The following FHL5 variants were observed in gnomAD, a reference collection of about 807,000 sequenced individuals.
FHL5 encodes four and a half LIM domains 5.
Under a neutral mutation model 32.0 loss-of-function variants are expected in FHL5, and 33 were observed. The ratio of observed to expected loss-of-function variants is 1.03; its 90% CI spans 0.78 to 1.38. FHL5 has a LOEUF of 1.38. Ranked by LOEUF, FHL5 falls within the 40% of genes most tolerant of loss-of-function variation. The pLI is 0.00. For synonymous variants in FHL5, 114 were observed against 113.6 expected, an observed-to-expected ratio of 1.00 and a Z score of -0.02; for missense variants, 336 against 343.9, an observed-to-expected ratio of 0.98 and a Z score of 0.18.
chr6:96,574,634 C>T (rs1272011775), intron 1 of FHL5, among the ~76,000 whole-genome samples: 1 of 152,132 alleles, frequency 6.6e-6, no homozygotes, highest in Non-Finnish European at 1.5e-5. Flanking sequence ...ATTCCAAGAA[C>T]CCTGCCTTCC....
chr6:96,573,392 A>G (rs1231961352), intron 1 of FHL5, among the ~76,000 whole-genome samples: 1 of 152,170 alleles, frequency 6.6e-6, no homozygotes, highest in Non-Finnish European at 1.5e-5. Context: ...TTTGAAAAAA[A>G]TCCGACACCA....
intron 1 of FHL5, among the ~76,000 whole-genome samples, chr6:96,586,153 C>G (rs947665661): frequency 3.3e-5 from 5 of 152,210 alleles, no homozygotes; most frequent in African/African-American, 1.2e-4. Flanking sequence ...AGCACAACTT[C>G]CATGACCACT....
chr6:96,587,066 AG>A (rs1290787617), intron 1 of FHL5, among the ~76,000 whole-genome samples: 1 of 152,234 alleles, frequency 6.6e-6, no homozygotes, highest in Non-Finnish European at 1.5e-5. Context: ...TCATGGCAAC[AG>A]CTTTTTGGGA....
intron 1 of FHL5, among the ~76,000 whole-genome samples, chr6:96,601,110 C>T (rs1582475067): frequency 6.6e-6 from 1 of 151,936 alleles, no homozygotes; most frequent in Non-Finnish European, 1.5e-5. Flanking sequence ...CCGAGGTGAG[C>T]GGATCTTGAG....
chr6:96,615,434 C>A (rs1443546926), intron 5 of FHL5, among the ~76,000 whole-genome samples, 175 bp from the exon 6 acceptor site: 1 of 152,168 alleles, frequency 6.6e-6, no homozygotes. Flanking sequence ...AACTTTCCTA[C>A]AGTGGATAGT....
intron 1 of FHL5, among the ~76,000 whole-genome samples, chr6:96,575,083 A>G (rs1396074915): frequency 6.6e-6 from 1 of 152,218 alleles, no homozygotes; most frequent in African/African-American, 2.4e-5. Flanking sequence ...GATTATTTTC[A>G]TTTAAACTAT....
At chr6:96,613,509 C>G (rs370476908) in intron 5 of FHL5, among the ~76,000 whole-genome samples, 76 of 152,324 alleles carry the variant, frequency 5.0e-4, no homozygotes, top group African/African-American at 1.8e-3. Context: ...GTGACTAACT[C>G]ACCTCAGGGG....
chr6:96,579,706 T>C (rs1770659195), intron 1 of FHL5, among the ~76,000 whole-genome samples: 1 of 152,228 alleles, frequency 6.6e-6, no homozygotes, highest in Non-Finnish European at 1.5e-5. Context: ...ATGAAAATTG[T>C]CAACTGGTAG....
intron 1 of FHL5, among the ~76,000 whole-genome samples, chr6:96,591,745 G>A (rs12197411): frequency 0.16 from 23,782 of 151,922 alleles, 2,043 homozygotes; most frequent in Middle Eastern, 0.26. Flanking sequence ...ATTCACCCCC[G>A]ATATTTCATG....
rs540080032 is a variant in FHL5, at chr6:96,604,913, C to A, written c.323C>A (p.Thr108Asn). The A allele has an allele frequency of 5.6e-6, 9 of 1,606,004 alleles. No homozygotes were observed. In the East Asian group the frequency reaches 1.3e-4, roughly 24 times the overall value. Residue 108 changes from threonine to asparagine, a missense_variant, in exon 3 of 6, where the codon ACC (threonine) becomes AAC (asparagine). Transcript: ENST00000450218. Reference protein sequence around the residue: ...CSSKCFHCKRTIMPGSRKMEF... With the variant: ...CSSKCFHCKRNIMPGSRKMEF... The stretch of plus-strand genomic sequence containing the variant: ...TCCAAGTGCTTCCACTGCAAGAGGA[C>A]CATCATGCCTGGTAGGGTCTCAAGG...
intron 1 of FHL5, among the ~76,000 whole-genome samples, chr6:96,576,575 G>C (rs1480646101): frequency 6.6e-6 from 1 of 152,230 alleles, no homozygotes; most frequent in African/African-American, 2.4e-5. Context: ...TGGCCCTCAA[G>C]AGCTTTTTAT....
intron 1 of FHL5, among the ~76,000 whole-genome samples, chr6:96,601,874 A>T (rs1483288081): frequency 6.6e-6 from 1 of 152,136 alleles, no homozygotes; most frequent in African/African-American, 2.4e-5. Flanking sequence ...TAACCCTCTG[A>T]GTGTGTTTGT....
At chr6:96,611,676 C>T (rs1384126820) in intron 5 of FHL5, among the ~76,000 whole-genome samples, 1 of 151,992 alleles carries the variant, frequency 6.6e-6, no homozygotes, top group East Asian at 1.9e-4. Context: ...CCCTTTCCTC[C>T]TTCTTCATCT....
Position 96,604,851 on chromosome 6 carries a change from C to A in FHL5, c.261C>A (p.Arg87=), listed in dbSNP as rs1355299926. 5.0e-6 allele frequency: 8 copies of A among 1,614,024 alleles called. No homozygotes were observed. Among genetic ancestry groups the A allele is most frequent in the Non-Finnish European group, 6.8e-6 (8 of 1,179,930 alleles). The stretch of plus-strand genomic sequence containing the variant: ...AGCCTTTTGCTGCCAAGGATGAGCG[C>A]CTGCTGTGCACGGAGTGCTATTCTA... ...VEKPFAAKDE[R]LLCTECYSNE... Residue 87 remains arginine (R), a synonymous_variant, in exon 3 of 6, where the codon CGC becomes CGA. Transcript: ENST00000450218.
intron 1 of FHL5, among the ~76,000 whole-genome samples, chr6:96,597,682 A>G (rs1771064254): frequency 6.6e-6 from 1 of 152,214 alleles, no homozygotes; most frequent in South Asian, 2.1e-4. Flanking sequence ...CAAGCCATTT[A>G]GAATACAGTA....
chr6:96,568,250 T>C (rs1770402507), intron 1 of FHL5, among the ~76,000 whole-genome samples: 2 of 151,940 alleles, frequency 1.3e-5, no homozygotes, highest in Admixed American at 1.3e-4. Flanking sequence ...GTTTTTGCCC[T>C]TCATTTTGTT....
intron 1 of FHL5, among the ~76,000 whole-genome samples, chr6:96,602,422 G>GTTCCTT (rs1562062425): frequency 1.5e-4 from 4 of 26,582 alleles, no homozygotes; most frequent in Admixed American, 5.3e-4. Flanking sequence ...TATATGCGTT[G>GTTCCTT]TTTCTTTTTT....
intron 5 of FHL5, among the ~76,000 whole-genome samples, chr6:96,613,601 A>G (rs2127976237): frequency 6.6e-6 from 1 of 152,364 alleles, no homozygotes; most frequent in Admixed American, 6.5e-5. Context: ...TTTCAAGGAA[A>G]AGGAATTTCA....
chr6:96,571,472 G>A (rs1264442385), intron 1 of FHL5, among the ~76,000 whole-genome samples: 2 of 152,174 alleles, frequency 1.3e-5, no homozygotes, highest in Non-Finnish European at 2.9e-5. Flanking sequence ...AGTGGCATGG[G>A]TTCTACGTGC....
Sources: gnomAD v4.1 joint callset for allele counts (sites outside exome capture counted in the v4.1 genomes callset) on GRCh38, gnomAD v4.1.1 for gene constraint, MANE v1.5 for transcripts, NCBI Gene and HGNC (gene_info 2026-07-23, HGNC 2026-07-21) for gene names.